Variants in SYNE3 observed in about 807,000 individuals in gnomAD.
SYNE3 encodes spectrin repeat containing nuclear envelope family member 3.
SYNE3 carries 100 observed loss-of-function variants against 111.2 expected under a neutral mutation model. The ratio of observed to expected loss-of-function variants is 0.90; its 90% confidence interval spans 0.77 to 1.06. SYNE3 has a LOEUF of 1.06. Among genes scored for constraint, SYNE3 ranks in the 50% least tolerant of loss-of-function variants. The pLI is 0.00. For missense variants in SYNE3, 1,160 were observed against 1,240.3 expected, an observed-to-expected ratio of 0.94 and a Z score of 0.97; for synonymous variants, 547 against 533.9, an observed-to-expected ratio of 1.02 and a Z score of -0.34.
chr14:95,484,999 C>A (rs1395076956), intron 1 of SYNE3, among the ~76,000 whole-genome samples: 2 of 152,112 alleles, frequency 1.3e-5, no homozygotes, highest in African/African-American at 2.4e-5. Context: ...TAAGAATTTG[C>A]ATTTCTAATG....
In SYNE3 at chr14:95,438,877, C is replaced by T. The variant is rs1018783846; in HGVS notation, c.2376+156G>A. On this transcript the variant is annotated intron_variant, in intron 14 of 17. Transcript: ENST00000682763. ...GGAGTAGGATCAAATGCTCTTTGGCCACAGCTGGGGCAGGCTCAAATGAGA... is the reference window on the plus strand; with the variant it reads ...GGAGTAGGATCAAATGCTCTTTGGCTACAGCTGGGGCAGGCTCAAATGAGA... 1.2e-5 allele frequency: 13 copies of T among 1,069,096 alleles called. No individual in the cohort carries two copies. The African/African-American group carries it at 2.1e-4, about 17-fold the overall frequency. 66.2% of individuals were successfully genotyped at this position (1,069,096 alleles called of 1,614,324 possible). A position where few individuals can be genotyped will look rare whatever the true frequency, so the allele number is the denominator to read the frequency against.
intron 1 of SYNE3, among the ~76,000 whole-genome samples, chr14:95,482,388 T>C (rs529994102): frequency 2.6e-4 from 39 of 152,248 alleles, no homozygotes; most frequent in African/African-American, 8.4e-4. Flanking sequence ...GAGAAGAGAT[T>C]GCGCCACTGC....
chr14:95,466,362 CTTTCTGG>C, intron 3 of SYNE3, 122 bp from the exon 4 acceptor site: 2 of 1,177,494 alleles, frequency 1.7e-6, no homozygotes, highest in Non-Finnish European at 2.3e-6. Context: ...TGATGATGCC[CTTTCTGG>C]CCTCTGAGTC....
chr14:95,463,699 C>T (rs1293909211), intron 4 of SYNE3, among the ~76,000 whole-genome samples: 5 of 152,236 alleles, frequency 3.3e-5, no homozygotes, highest in Admixed American at 1.3e-4. Context: ...GTCGAATCCC[C>T]GCCTTGCCCA....
chr14:95,495,042 G>A (rs1744737022), intron 1 of SYNE3, among the ~76,000 whole-genome samples: 1 of 151,894 alleles, frequency 6.6e-6, no homozygotes, highest in Non-Finnish European at 1.5e-5. Flanking sequence ...AACCTGGGAG[G>A]CGGAGGTTGC....
In SYNE3 at chr14:95,408,855, A is replaced by G. The variant is rs571892111; in HGVS notation, c.*8971T>C. The G allele has an allele frequency of 1.1e-4, 37 of 336,358 alleles. No individual in the cohort carries two copies. The highest frequency in any genetic ancestry group is 7.9e-4 in the African/African-American group (37 of 46,568). The allele number at this position is 336,358 out of a possible 1,614,324, so 20.8% of individuals were successfully genotyped here. A position where few individuals can be genotyped will look rare whatever the true frequency, so the allele number is the denominator to read the frequency against. On this transcript the variant is annotated 3_prime_UTR_variant, in exon 18 of 18. Transcript: ENST00000682763. ...AGCAGGCAGAGACCGCGCAAAGCCA[A>G]CTCTGTCCTCTGCCTGCCCCCGCAA...
chr14:95,514,345 T>C (rs1890834819), intron 1 of SYNE3, among the ~76,000 whole-genome samples: 1 of 152,112 alleles, frequency 6.6e-6, no homozygotes, highest in Non-Finnish European at 1.5e-5. Context: ...CCTCCTGCCC[T>C]CCCTGGGGCC....
At chr14:95,476,862 C>A (rs1888917296) in intron 1 of SYNE3, among the ~76,000 whole-genome samples, 1 of 152,028 alleles carries the variant, frequency 6.6e-6, no homozygotes, top group Non-Finnish European at 1.5e-5. Flanking sequence ...TTTAAAATGG[C>A]AAAACAAAAC....
At chr14:95,459,726 G>A (rs1887673411) in intron 4 of SYNE3, among the ~76,000 whole-genome samples, 1 of 152,154 alleles carries the variant, frequency 6.6e-6, no homozygotes, top group Non-Finnish European at 1.5e-5. Flanking sequence ...AACCACCACT[G>A]CAAGTAGGAG....
At chr14:95,421,465 C>G (rs1335415341) in intron 17 of SYNE3, among the ~76,000 whole-genome samples, 2 of 152,168 alleles carry the variant, frequency 1.3e-5, no homozygotes, top group East Asian at 1.9e-4. Flanking sequence ...TGGGTTCTAA[C>G]CCTGACTCTA....
At chr14:95,433,572 A>G (rs1224374548) in intron 15 of SYNE3, among the ~76,000 whole-genome samples, 163 bp from the exon 16 acceptor site, 1 of 152,260 alleles carries the variant, frequency 6.6e-6, no homozygotes. Context: ...ATTCAAGCCA[A>G]GGCCTAGCCC....
intron 1 of SYNE3, among the ~76,000 whole-genome samples, chr14:95,504,388 CT>C (rs1359529909): frequency 6.6e-6 from 1 of 152,218 alleles, no homozygotes; most frequent in Non-Finnish European, 1.5e-5. Flanking sequence ...GTCCATTATC[CT>C]AGAAAATTCT....
At chr14:95,456,599 C>A (rs574746387) in intron 5 of SYNE3, among the ~76,000 whole-genome samples, 2 of 152,178 alleles carry the variant, frequency 1.3e-5, no homozygotes, top group African/African-American at 2.4e-5. Flanking sequence ...CAAATGCCCC[C>A]CATTGGAGAC....
chr14:95,481,506 G>A (rs540441351), intron 1 of SYNE3, among the ~76,000 whole-genome samples: 25 of 152,296 alleles, frequency 1.6e-4, no homozygotes, highest in East Asian at 5.8e-4. Context: ...GTTGGGGGCC[G>A]CTGAGCAGCA....
intron 7 of SYNE3, 168 bp from the exon 8 acceptor site, chr14:95,450,273 G>T: frequency 1.3e-6 from 1 of 780,212 alleles, no homozygotes; most frequent in Non-Finnish European, 2.0e-6. Context: ...AGAAGATGTA[G>T]CTGGAAGGGA....
chr14:95,473,826 A>T (rs2139504894), intron 2 of SYNE3, among the ~76,000 whole-genome samples: 1 of 148,864 alleles, frequency 6.7e-6, no homozygotes, highest in East Asian at 2.0e-4. Flanking sequence ...GGCTGGTGTG[A>T]GCTTGCGAGG....
At chr14:95,464,722 T>C (rs1019625612) in intron 4 of SYNE3, among the ~76,000 whole-genome samples, 3 of 152,182 alleles carry the variant, frequency 2.0e-5, no homozygotes, top group Non-Finnish European at 2.9e-5. Context: ...TCAGGTGGTG[T>C]CCCAGCTGCA....
At chr14:95,506,601 G>A (rs1890537729) in intron 1 of SYNE3, among the ~76,000 whole-genome samples, 1 of 152,246 alleles carries the variant, frequency 6.6e-6, no homozygotes, top group Admixed American at 6.5e-5. Flanking sequence ...GAAGTGCTGA[G>A]CTCCCTTCCA....
At chr14:95,516,425 G>C (rs1358645947) in intron 1 of SYNE3, among the ~76,000 whole-genome samples, 171 bp downstream of exon 1, 1 of 151,988 alleles carries the variant, frequency 6.6e-6, no homozygotes, top group Non-Finnish European at 1.5e-5. Context: ...CTGTCACGCC[G>C]GGGCCCCCGC....
Sources: gnomAD v4.1 joint callset for allele counts (sites outside exome capture counted in the v4.1 genomes callset) on GRCh38, gnomAD v4.1.1 for gene constraint, MANE v1.5 for transcripts, NCBI Gene and HGNC (gene_info 2026-07-23, HGNC 2026-07-21) for gene names.